MAMLD1: variants seen among roughly 807,000 people sequenced by gnomAD.
MAMLD1 encodes mastermind like domain containing 1, also known as mastermind-like domain-containing protein 1.
In MAMLD1, 14 loss-of-function variants were observed where a neutral mutation model predicts 45.0. The ratio of observed to expected loss-of-function variants is 0.31; its 90% CI spans 0.21 to 0.49. The LOEUF is 0.49. MAMLD1 is among the 20% of genes least tolerant of loss of function. The pLI is 0.99. For synonymous variants in MAMLD1, 254 were observed against 247.8 expected (o/e 1.02, Z -0.24); for missense variants, 543 against 603.6 (o/e 0.90, Z 1.05).
At chrX:150,415,734 G>A (rs1328533798) in intron 1 of MAMLD1, among the ~76,000 whole-genome samples, 2 of 112,264 alleles carry the variant, frequency 1.8e-5, no homozygotes, top group Non-Finnish European at 3.8e-5. Flanking sequence ...ACATGTTAAA[G>A]TAACATGCCT....
chrX:150,470,636 C>A lies in MAMLD1; in HGVS notation c.1063C>A (p.Pro355Thr). ...SPHPPPLPLP[P>T]PPPPFSPQSL... is the part of the protein sequence containing the mutation. ...ACACCCACCACCGCTGCCACTGCCA[C>A]CACCACCACCCCCATTCAGCCCCCA... Residue 355 changes from proline (P) to threonine (T), a missense_variant, in exon 4 of 8, where the codon CCA (proline) becomes ACA (threonine). Physicochemically the swap from Pro to Thr is conservative, Grantham distance 38. Coordinates refer to ENST00000370401, the MANE Select transcript of MAMLD1 (RefSeq NM_005491.5). 8.3e-7 allele frequency: 1 copy of A among 1,212,005 alleles called. No homozygotes were observed. Among genetic ancestry groups the A allele is most frequent in the Non-Finnish European group, 1.1e-6 (1 of 895,483 alleles).
chrX:150,504,766 A>G (rs2037673868), intron 6 of MAMLD1: 1 of 749,536 alleles, frequency 1.3e-6, no homozygotes, highest in African/African-American at 2.3e-5. Flanking sequence ...CCAGCAGTGA[A>G]GTGGCAGAGC....
chrX:150,372,552 G>T (rs1246614215), intron 1 of MAMLD1, among the ~76,000 whole-genome samples: 1 of 112,356 alleles, frequency 8.9e-6, no homozygotes, highest in Non-Finnish European at 1.9e-5. Context: ...TTTCTAAGCT[G>T]CTTGTCTGTC....
At chrX:150,473,374 T>A (rs2036486060) in intron 4 of MAMLD1, among the ~76,000 whole-genome samples, 1 of 112,512 alleles carries the variant, frequency 8.9e-6, no homozygotes, top group South Asian at 3.7e-4. Flanking sequence ...GCCAGAGACC[T>A]GGCCCAAGGG....
chrX:150,477,889 C>T (rs1261197822), intron 5 of MAMLD1, among the ~76,000 whole-genome samples: 3 of 111,374 alleles, frequency 2.7e-5, no homozygotes, highest in Non-Finnish European at 3.8e-5. Context: ...GGGCGGAAAG[C>T]GTGTACATGA....
At chrX:150,390,167 G>A (rs1557402138) in intron 1 of MAMLD1, among the ~76,000 whole-genome samples, 2 of 111,740 alleles carry the variant, frequency 1.8e-5, no homozygotes, top group East Asian at 5.6e-4. Flanking sequence ...CTGGGCTCAA[G>A]TGATCCTCCC....
intron 1 of MAMLD1, among the ~76,000 whole-genome samples, chrX:150,405,106 T>G (rs2033964456): frequency 8.9e-6 from 1 of 112,412 alleles, no homozygotes; most frequent in East Asian, 2.8e-4. Flanking sequence ...AAATTGTTTC[T>G]TTCAAAGTAG....
intron 1 of MAMLD1, among the ~76,000 whole-genome samples, chrX:150,395,867 T>A (rs1428575440): frequency 1.8e-5 from 2 of 111,488 alleles, no homozygotes; most frequent in African/African-American, 6.5e-5. Flanking sequence ...TTGATCTTTT[T>A]AATAAACTAG....
chrX:150,507,779 G>A (rs1788979797), intron 6 of MAMLD1, among the ~76,000 whole-genome samples: 1 of 112,265 alleles, frequency 8.9e-6, no homozygotes, highest in South Asian at 3.7e-4. Context: ...TGTCTGGCAC[G>A]CCCCTGGGCT....
intron 1 of MAMLD1, among the ~76,000 whole-genome samples, chrX:150,440,165 A>C (rs1557404458): frequency 9.0e-6 from 1 of 111,387 alleles, no homozygotes; most frequent in East Asian, 2.8e-4. Flanking sequence ...ATATGGTGGT[A>C]TGTATGATTA....
At chrX:150,417,472 G>A (rs1276348589) in intron 1 of MAMLD1, among the ~76,000 whole-genome samples, 5 of 108,870 alleles carry the variant, frequency 4.6e-5, no homozygotes, top group Admixed American at 9.8e-5. Context: ...ATAAACATAC[G>A]TGTGCATGTG....
chrX:150,398,293 G>GAAGAAGAAGAAGAAGAAC (rs2033547958), intron 1 of MAMLD1, among the ~76,000 whole-genome samples: 1 of 87,658 alleles, frequency 1.1e-5, no homozygotes, highest in African/African-American at 4.4e-5. Context: ...AGAAGAAGAA[G>GAAGAAGAAGAAGAAGAAC]AAGAAGAAGA....
intron 1 of MAMLD1, among the ~76,000 whole-genome samples, chrX:150,397,514 T>C (rs1557402298): frequency 9.0e-6 from 1 of 111,608 alleles, no homozygotes; most frequent in Non-Finnish European, 1.9e-5. Flanking sequence ...GTATTCCCCT[T>C]TCATGGTTGT....
intron 5 of MAMLD1, among the ~76,000 whole-genome samples, chrX:150,495,102 A>G (rs782414293): frequency 8.1e-5 from 9 of 111,430 alleles, no homozygotes; most frequent in Non-Finnish European, 1.5e-4. Flanking sequence ...GCTACTCAGG[A>G]GGCTGAGGCA....
At chrX:150,433,603 G>C (rs2035025703) in intron 1 of MAMLD1, among the ~76,000 whole-genome samples, 1 of 111,639 alleles carries the variant, frequency 9.0e-6, no homozygotes, top group South Asian at 3.8e-4. Flanking sequence ...AGTTTGTTGA[G>C]ATTTTTTAAC....
chrX:150,510,539 A>G (rs1337099780), intron 7 of MAMLD1, among the ~76,000 whole-genome samples: 2 of 112,320 alleles, frequency 1.8e-5, no homozygotes, highest in African/African-American at 3.2e-5. Context: ...CCACAGATAG[A>G]TAGCAGGGGT....
At chrX:150,418,344 T>C (rs1472175256) in intron 1 of MAMLD1, among the ~76,000 whole-genome samples, 2 of 110,467 alleles carry the variant, frequency 1.8e-5, no homozygotes, top group Non-Finnish European at 3.8e-5. Context: ...TCTTTATTAG[T>C]CTTGCTAGTG....
At position 150,470,812 on chromosome X, in the gene MAMLD1, T is replaced by A; in HGVS notation, c.1239T>A (p.Pro413=). 8.3e-7 allele frequency: 1 copy of A among 1,212,108 alleles called. No individual in the cohort carries two copies. The highest frequency in any genetic ancestry group is 1.1e-6 in the Non-Finnish European group (1 of 895,617). ...MPYAPEKLPS[P]ALTQQPQFGP... ...ATGCTCCTGAGAAGCTCCCCAGCCC[T>A]GCTCTCACTCAACAGCCGCAGTTCG... The change falls in exon 4 of 8, where the codon CCT becomes CCA. Residue 413 remains proline (P), a synonymous_variant. Transcript: ENST00000370401.
In MAMLD1 at chrX:150,470,101, T is replaced by C; in HGVS notation, c.528T>C (p.Leu176=). 8.3e-7 allele frequency: 1 copy of C among 1,211,644 alleles called. No homozygotes were observed. The highest frequency in any genetic ancestry group is 1.1e-6 in the Non-Finnish European group (1 of 895,488). The change falls in exon 4 of 8, where the codon CTT becomes CTC. Residue 176 remains leucine, a synonymous_variant. Coordinates refer to ENST00000370401, the MANE Select transcript of MAMLD1 (RefSeq NM_005491.5). ...GCGTGCCGGCTGTAGACCAGGAGCTTCAAGAGCTGCTAGAGGAGCTCACCA... is the reference window on the plus strand; with the variant it reads ...GCGTGCCGGCTGTAGACCAGGAGCTCCAAGAGCTGCTAGAGGAGCTCACCA... ...INSVPAVDQE[L]QELLEELTKI...
Sources: gnomAD v4.1 joint callset for allele counts (sites outside exome capture counted in the v4.1 genomes callset) on GRCh38, gnomAD v4.1.1 for gene constraint, MANE v1.5 for transcripts, NCBI Gene and HGNC (gene_info 2026-07-23, HGNC 2026-07-21) for gene names.